FCRL6: variants seen among roughly 807,000 people sequenced by gnomAD.
FCRL6 encodes the protein Fc receptor-like protein 6.
In FCRL6, 50 loss-of-function variants were observed where a neutral mutation model predicts 49.1. That is an observed-to-expected ratio of 1.02 (90% CI 0.81 to 1.29). The LOEUF (loss-of-function observed/expected upper bound fraction) is 1.29. Among genes scored for constraint, FCRL6 ranks in the 50% most tolerant of loss-of-function variants. The pLI is 0.00. For synonymous variants in FCRL6, 213 were observed against 199.6 expected (o/e 1.07, Z -0.57); for missense variants, 571 against 518.5 (o/e 1.10, Z -0.98).
In FCRL6 at chr1:159,802,381, C is replaced by T. The variant is rs377335625; in HGVS notation, c.-44C>T. On this transcript the variant is annotated 5_prime_UTR_variant, in exon 1 of 10. Transcript: ENST00000368106. The stretch of plus-strand genomic sequence containing the variant: ...TGCTCTCTGCCGGCTTCGCCCTGAC[C>T]TGTTTCTGACCTGTGTTCCCTCCGC... The T allele has an allele frequency of 1.6e-4, 255 of 1,612,056 alleles. 2 individuals carry two copies. The African/African-American group carries it at 2.9e-3, about 18-fold the overall frequency.
At chr1:159,804,471 T>C (rs1662548280) in intron 1 of FCRL6, among the ~76,000 whole-genome samples, 1 of 152,228 alleles carries the variant, frequency 6.6e-6, no homozygotes. Flanking sequence ...TTTTTCGGAA[T>C]TCTATTACGC....
intron 6 of FCRL6, among the ~76,000 whole-genome samples, chr1:159,812,447 G>A (rs1663144166): frequency 1.3e-5 from 2 of 152,204 alleles, no homozygotes; most frequent in Admixed American, 1.3e-4. Context: ...CTGGAACAAG[G>A]ATATGGTCAT....
rs750605163 is a variant in FCRL6 at position 159,809,118 on chromosome 1, G to A, written c.477G>A (p.Arg159=). 2.8e-5 allele frequency: 45 copies of A among 1,613,976 alleles called. No homozygotes were observed. The highest frequency in any genetic ancestry group is 3.8e-5 in the Non-Finnish European group (45 of 1,179,988). The change falls in exon 4 of 10, where the codon AGG becomes AGA. Residue 159 remains arginine, a synonymous_variant. Transcript: ENST00000368106. The part of the protein sequence containing the change: ...FHKDGHTLQD[R]GPHPELCIPG... ...AGGACGGCCACACCTTGCAGGACAGGGGCCCTCACCCAGAACTCTGCATCC... is the reference window on the plus strand; with the variant it reads ...AGGACGGCCACACCTTGCAGGACAGAGGCCCTCACCCAGAACTCTGCATCC...
rs139822997 is a variant in FCRL6, at chr1:159,802,404, C to T, written c.-21C>T. On this transcript the variant is annotated 5_prime_UTR_variant, in exon 1 of 10. Coordinates refer to ENST00000368106, the MANE Select transcript of FCRL6 (RefSeq NM_001004310.3). ...ACCTGTTTCTGACCTGTGTTCCCTC[C>T]GCTGTGCCAGAACAGGCCCCATGCT... 1.1e-5 allele frequency: 18 copies of T among 1,613,662 alleles called. No homozygotes were observed. In the South Asian group the frequency reaches 1.6e-4, roughly 15 times the overall value.
At chr1:159,800,689 G>GA (rs543892727), upstream of FCRL6, 30 of 1,313,480 alleles carry the variant, frequency 2.3e-5, no homozygotes, top group Non-Finnish European at 3.1e-5. Context: ...CTGAGTCACC[G>GA]AAAAAAATGC....
intron 2 of FCRL6, 117 bp downstream of exon 2, chr1:159,806,733 C>A: frequency 9.8e-7 from 1 of 1,023,618 alleles, no homozygotes; most frequent in Non-Finnish European, 1.5e-6. Flanking sequence ...CAGCACCAGA[C>A]TAGGCCCCTT....
At position 159,808,261 on chromosome 1, in the gene FCRL6, C is replaced by T. The variant is rs1298620702; in HGVS notation, c.136C>T (p.Pro46Ser). The change falls in exon 3 of 10, where the codon CCA becomes TCA. Residue 46 changes from proline (P) to serine (S), a missense_variant. Pro to Ser is a moderately conservative substitution (Grantham distance 74). Coordinates refer to ENST00000368106, the MANE Select transcript of FCRL6 (RefSeq NM_001004310.3). ...GCGATGTCAGGGATGGAAGAATACA[C>T]CACTGTCTCAGGTGAAGTTCTACAG... ...TLRCQGWKNT[P>S]LSQVKFYRDG... 1.9e-6 allele frequency: 3 copies of T among 1,613,628 alleles called. No individual in the cohort carries two copies. The highest frequency in any genetic ancestry group is 4.5e-5 in the East Asian group (2 of 44,884).
At chr1:159,812,613 GA>G (rs1663153473) in intron 6 of FCRL6, among the ~76,000 whole-genome samples, 1 of 152,176 alleles carries the variant, frequency 6.6e-6, no homozygotes, top group African/African-American at 2.4e-5. Flanking sequence ...CTTAGAAACT[GA>G]GGCTCATTTC....
chr1:159,802,770 G>A (rs7519854), intron 1 of FCRL6, among the ~76,000 whole-genome samples: 14,519 of 152,216 alleles, frequency 0.095, 843 homozygotes, highest in Middle Eastern at 0.14. Context: ...TGTGACATCA[G>A]GTTAAAATAC....
chr1:159,802,491 A>G (rs1467571311), intron 1 of FCRL6, 36 bp downstream of exon 1: 2 of 1,587,132 alleles, frequency 1.3e-6, no homozygotes, highest in East Asian at 2.2e-5. Flanking sequence ...CTCTTGGAGC[A>G]CTAAGGACCG....
intron 1 of FCRL6, among the ~76,000 whole-genome samples, chr1:159,804,075 A>G (rs1469832924): frequency 6.6e-6 from 1 of 152,078 alleles, no homozygotes; most frequent in Admixed American, 6.6e-5. Flanking sequence ...TCTGAGCTGA[A>G]CATTAGCCAA....
intron 7 of FCRL6, 110 bp from the exon 8 acceptor site, chr1:159,814,111 T>C: frequency 2.0e-6 from 2 of 980,298 alleles, no homozygotes; most frequent in Non-Finnish European, 3.2e-6. Context: ...CATTGCCACT[T>C]ATCACCATAA....
At position 159,806,597 on chromosome 1, in the gene FCRL6, T is replaced by C; in HGVS notation, c.33T>C (p.Val11=). The C allele has an allele frequency of 1.2e-6, 2 of 1,613,796 alleles. No individual in the cohort carries two copies. The highest frequency in any genetic ancestry group is 2.2e-5 in the South Asian group (2 of 91,078). ...TTGTGTTACTTTGTTCTCTTGCAGT[T>C]CCCTGTGTTGGGAAAACTGGTAAGT... MLLWTAVLLF[V]PCVGKTVWLY... is the part of the protein sequence containing the mutation. Residue 11 remains valine, a splice_region_variant and synonymous_variant, in exon 2 of 10, where the codon GTT becomes GTC. Transcript: ENST00000368106.
chr1:159,809,892 G>A (rs891372379), intron 5 of FCRL6, among the ~76,000 whole-genome samples: 1 of 152,098 alleles, frequency 6.6e-6, no homozygotes, highest in Non-Finnish European at 1.5e-5. Flanking sequence ...CCTCACGGGG[G>A]GAGCAGTCAC....
intron 5 of FCRL6, among the ~76,000 whole-genome samples, 168 bp from the exon 6 acceptor site, chr1:159,809,926 C>CCCCTG (rs1208115528): frequency 1.4e-4 from 21 of 152,322 alleles, no homozygotes; most frequent in Admixed American, 1.0e-3. Flanking sequence ...GTGTCACCAT[C>CCCCTG]ATCCTTGCTG....
Position 159,813,478 on chromosome 1 carries a change from G to C in FCRL6, c.1010-11G>C, listed in dbSNP as rs1005432965. The C allele has an allele frequency of 3.1e-6, 5 of 1,613,032 alleles. No homozygotes were observed. In the African/African-American group the frequency reaches 4.0e-5, roughly 13 times the overall value. On this transcript the variant is annotated splice_polypyrimidine_tract_variant and intron_variant, in intron 6 of 9. Coordinates refer to ENST00000368106, the MANE Select transcript of FCRL6 (RefSeq NM_001004310.3). The stretch of plus-strand genomic sequence containing the variant: ...GGGACACCCAGTGAATCATGCCCTT[G>C]TATCTCCTAGGGCCCCTTCCATCCC...
chr1:159,814,722 C>CTA (rs1663291524), intron 8 of FCRL6, among the ~76,000 whole-genome samples: 1 of 152,218 alleles, frequency 6.6e-6, no homozygotes, highest in South Asian at 2.1e-4. Flanking sequence ...ACAGTCTCCA[C>CTA]TATAAGATGG....
At chr1:159,802,673 C>T (rs374781517) in intron 1 of FCRL6, among the ~76,000 whole-genome samples, 3 of 152,258 alleles carry the variant, frequency 2.0e-5, no homozygotes, top group East Asian at 1.9e-4. Flanking sequence ...TCCTTGGCAG[C>T]GCAGCCCTTT....
chr1:159,803,404 A>C (rs535246216), intron 1 of FCRL6, among the ~76,000 whole-genome samples: 1 of 152,296 alleles, frequency 6.6e-6, no homozygotes, highest in South Asian at 2.1e-4. Context: ...AACTGTTCCT[A>C]AATATAACCT....
Sources: gnomAD v4.1 joint callset for allele counts (sites outside exome capture counted in the v4.1 genomes callset) on GRCh38, gnomAD v4.1.1 for gene constraint, MANE v1.5 for transcripts, NCBI Gene and HGNC (gene_info 2026-07-23, HGNC 2026-07-21) for gene names.